DDB2: variants seen among roughly 807,000 people sequenced by gnomAD.
DDB2 encodes damage specific DNA binding protein 2.
In DDB2, 27 loss-of-function variants were observed where a neutral mutation model predicts 50.5. That is an observed-to-expected ratio of 0.53 (90% confidence interval 0.39 to 0.74). DDB2 has a LOEUF of 0.74. Among genes scored for constraint, DDB2 ranks in the 30% least tolerant of loss-of-function variants. DDB2 has a pLI of 0.00. For missense variants in DDB2, 424 were observed against 545.6 expected, an observed-to-expected ratio of 0.78 and a Z score of 2.22; for synonymous variants, 176 against 205.5, an observed-to-expected ratio of 0.86 and a Z score of 1.23.
intron 7 of DDB2, chr11:47,237,476 G>A: frequency 3.4e-6 from 1 of 290,694 alleles, no homozygotes; most frequent in Non-Finnish European, 6.7e-6. Context: ...TGTCACCTAG[G>A]CTGGAGTGCA....
chr11:47,216,947 G>A lies in DDB2; in HGVS notation c.354G>A (p.Ala118=), dbSNP rs776380322. 1.4e-5 allele frequency: 23 copies of A among 1,613,904 alleles called. No homozygotes were observed. Among genetic ancestry groups the A allele is most frequent in the East Asian group, 2.2e-5 (1 of 44,900 alleles). The change falls in exon 3 of 10, where the codon GCG becomes GCA. Residue 118 remains alanine (A), a synonymous_variant. Transcript: ENST00000256996. ...TTGACAGGAGGGCTACATCCTTGGC[G>A]TGGCACCCAACTCACCCCAGCACCG... is the stretch of plus-strand genomic sequence containing the variant. ...APFDRRATSL[A]WHPTHPSTVA...
At chr11:47,225,415 A>AC (rs1208455241) in intron 3 of DDB2, among the ~76,000 whole-genome samples, 4 of 150,260 alleles carry the variant, frequency 2.7e-5, no homozygotes, top group Non-Finnish European at 5.9e-5. Flanking sequence ...ACATGGTGAA[A>AC]CCCCGTCTCT....
At position 47,218,473 on chromosome 11, in the gene DDB2, A is replaced by C. The variant is rs1204857305; in HGVS notation, c.456+1424A>C. Among the ~76,000 whole-genome samples, 4 of 152,386 alleles carry C rather than the reference A, an allele frequency of 2.6e-5. No individual in the cohort carries two copies. In the Middle Eastern group the frequency reaches 0.01, roughly 389 times the overall value. Reference sequence around the variant, plus strand: ...AATTGGAGTCAATAAAGAAGACTCCATGGATGAGCGAGGAGGAGCAGTATT... The same window carrying C: ...AATTGGAGTCAATAAAGAAGACTCCCTGGATGAGCGAGGAGGAGCAGTATT... On this transcript the variant is annotated intron_variant, in intron 3 of 9. Transcript: ENST00000256996.
Position 47,239,208 on chromosome 11 carries a change from T to C in DDB2, c.*359T>C. On this transcript the variant is annotated 3_prime_UTR_variant, in exon 10 of 10. Coordinates refer to ENST00000256996, the MANE Select transcript of DDB2 (RefSeq NM_000107.3). ...ACTTTTGATATGGCCAATAAAACCA[T>C]ACCGACTGAGCTTCTGCGTGGATCT... 2.8e-6 allele frequency: 1 copy of C among 360,714 alleles called. No individual in the cohort carries two copies. The highest frequency in any genetic ancestry group is 5.3e-6 in the Non-Finnish European group (1 of 190,452). The allele number at this position is 360,714 out of a possible 1,614,324, so 22.3% of individuals were successfully genotyped here. A position where few individuals can be genotyped will look rare whatever the true frequency, so the allele number is the denominator to read the frequency against.
intron 3 of DDB2, among the ~76,000 whole-genome samples, chr11:47,230,704 G>A (rs1280183981): frequency 6.6e-6 from 1 of 152,184 alleles, no homozygotes; most frequent in Non-Finnish European, 1.5e-5. Context: ...CTAAGTGGTT[G>A]TTGCATAGAA....
At chr11:47,222,610 T>C (rs1402285923) in intron 3 of DDB2, among the ~76,000 whole-genome samples, 1 of 152,248 alleles carries the variant, frequency 6.6e-6, no homozygotes, top group African/African-American at 2.4e-5. Context: ...CCTCCCAAAG[T>C]GCCGGGATTA....
At chr11:47,226,302 G>GTTTTTTTTTT in intron 3 of DDB2, among the ~76,000 whole-genome samples, 1 of 143,250 alleles carries the variant, frequency 7.0e-6, no homozygotes. Context: ...TTGAGATGAA[G>GTTTTTTTTTT]TCTCCCTCTG....
intron 3 of DDB2, among the ~76,000 whole-genome samples, chr11:47,227,202 G>T (rs1258306662): frequency 1.4e-5 from 2 of 143,014 alleles, no homozygotes; most frequent in Non-Finnish European, 3.0e-5. Flanking sequence ...CACCTCCCGG[G>T]TTCAAGCAAT....
intron 4 of DDB2, among the ~76,000 whole-genome samples, 167 bp from the exon 5 acceptor site, chr11:47,234,406 G>C (rs1346930500): frequency 2.0e-5 from 3 of 152,180 alleles, no homozygotes; most frequent in African/African-American, 7.2e-5. Context: ...CTGGACGGTA[G>C]AGCAGTCTGA....
At chr11:47,226,727 C>T (rs1263833203) in intron 3 of DDB2, among the ~76,000 whole-genome samples, 2 of 140,110 alleles carry the variant, frequency 1.4e-5, no homozygotes, top group Non-Finnish European at 3.0e-5. Flanking sequence ...CTATTCAAGT[C>T]CTTTGCCTTT....
chr11:47,229,548 A>G (rs1257930215), intron 3 of DDB2, among the ~76,000 whole-genome samples: 1 of 152,202 alleles, frequency 6.6e-6, no homozygotes, highest in East Asian at 1.9e-4. Flanking sequence ...CTGGTTACAT[A>G]CAAGGAGATT....
intron 3 of DDB2, among the ~76,000 whole-genome samples, chr11:47,232,327 C>CATAAAA (rs143877183): frequency 2.0e-5 from 3 of 150,996 alleles, no homozygotes; most frequent in Non-Finnish European, 2.9e-5. Context: ...ATCTCAAAAA[C>CATAAAA]ATAAAAATAA....
chr11:47,216,813 G>T, intron 2 of DDB2, 45 bp from the exon 3 acceptor site: 1 of 1,597,538 alleles, frequency 6.3e-7, no homozygotes, highest in South Asian at 1.1e-5. Flanking sequence ...AGTTTACCCA[G>T]AACTTGGGTT....
chr11:47,216,701 G>A (rs1217841730), intron 2 of DDB2, among the ~76,000 whole-genome samples, 157 bp from the exon 3 acceptor site: 5 of 152,160 alleles, frequency 3.3e-5, no homozygotes, highest in African/African-American at 7.2e-5. Context: ...TTATTCGTTC[G>A]TGTACATTGC....
Position 47,227,236 on chromosome 11 carries a change from A to AGCT in DDB2, c.457-5576_457-5574dup, listed in dbSNP as rs1312976582. Among the ~76,000 whole-genome samples, 5 of 146,210 alleles carry AGCT rather than the reference A, an allele frequency of 3.4e-5. No homozygotes were observed. In the East Asian group the frequency reaches 1.0e-3, roughly 30 times the overall value. ...ATTCTCCTGCTTCAGCCTCCTGAGT[A>AGCT]GCTGGGATTACAGGCATGCGCCACC... On this transcript the variant is annotated intron_variant, in intron 3 of 9. Coordinates refer to ENST00000256996, the MANE Select transcript of DDB2 (RefSeq NM_000107.3).
intron 4 of DDB2, among the ~76,000 whole-genome samples, chr11:47,234,354 A>G (rs564224763): frequency 1.3e-5 from 2 of 152,264 alleles, no homozygotes; most frequent in Admixed American, 6.5e-5. Context: ...GCCCAGCCAT[A>G]ACCAGACAGA....
At chr11:47,218,281 A>G (rs1953429760) in intron 3 of DDB2, among the ~76,000 whole-genome samples, 1 of 152,186 alleles carries the variant, frequency 6.6e-6, no homozygotes, top group South Asian at 2.1e-4. Context: ...TCACCATCCT[A>G]TTCCCAGTGC....
chr11:47,224,202 G>A (rs1247450530), intron 3 of DDB2, among the ~76,000 whole-genome samples: 2 of 151,924 alleles, frequency 1.3e-5, no homozygotes, highest in African/African-American at 4.8e-5. Context: ...TGCTTGTGGG[G>A]GGATCACTAA....
chr11:47,232,432 G>A (rs1397968671), intron 3 of DDB2, among the ~76,000 whole-genome samples: 2 of 151,804 alleles, frequency 1.3e-5, no homozygotes, highest in African/African-American at 2.4e-5. Context: ...CAGGGGGATC[G>A]CTTGAGCTTA....
Sources: gnomAD v4.1 joint callset for allele counts (sites outside exome capture counted in the v4.1 genomes callset) on GRCh38, gnomAD v4.1.1 for gene constraint, MANE v1.5 for transcripts, NCBI Gene and HGNC (gene_info 2026-07-23, HGNC 2026-07-21) for gene names.